Variants in SEMA6D observed in about 807,000 individuals in gnomAD.
SEMA6D encodes semaphorin 6D, also known as semaphorin-6D.
In SEMA6D, 35 loss-of-function variants were observed where a neutral mutation model predicts 106.6. That is an observed-to-expected ratio of 0.33 (90% CI 0.25 to 0.44). The LOEUF is 0.44. SEMA6D is among the 20% of genes least tolerant of loss of function. SEMA6D has a pLI of 1.00. For synonymous variants in SEMA6D, 499 were observed against 487.7 expected, an observed-to-expected ratio of 1.02 and a Z score of -0.31; for missense variants, 1,185 against 1,345.9, an observed-to-expected ratio of 0.88 and a Z score of 1.87.
chr15:47,408,932 C>T (rs1375515146), intron 1 of SEMA6D, among the ~76,000 whole-genome samples: 2 of 152,212 alleles, frequency 1.3e-5, no homozygotes, highest in East Asian at 3.9e-4. Context: ...ACTGGACACT[C>T]ATCTGCATGA....
intron 1 of SEMA6D, among the ~76,000 whole-genome samples, chr15:47,310,582 G>GTT (rs35025286): frequency 6.6e-6 from 1 of 151,154 alleles, no homozygotes; most frequent in Non-Finnish European, 1.5e-5. Context: ...TATAGTTCAT[G>GTT]TTTTTTTTAA....
chr15:47,447,499 G>A (rs1305498306), intron 2 of SEMA6D, among the ~76,000 whole-genome samples: 2 of 152,124 alleles, frequency 1.3e-5, no homozygotes, highest in African/African-American at 4.8e-5. Flanking sequence ...CTCCCAGGAA[G>A]ATGAACAAGA....
At chr15:47,522,308 A>G (rs1011363943) in intron 3 of SEMA6D, among the ~76,000 whole-genome samples, 8 of 152,222 alleles carry the variant, frequency 5.3e-5, no homozygotes, top group Admixed American at 2.6e-4. Flanking sequence ...AAATATTTTT[A>G]TGTATGAACT....
chr15:47,654,164 A>G (rs2077747185), intron 4 of SEMA6D, among the ~76,000 whole-genome samples: 1 of 152,192 alleles, frequency 6.6e-6, no homozygotes, highest in African/African-American at 2.4e-5. Flanking sequence ...TTCCTCTTTT[A>G]GTTTAATTCA....
intron 3 of SEMA6D, among the ~76,000 whole-genome samples, chr15:47,569,927 G>T (rs958542386): frequency 6.6e-6 from 1 of 151,890 alleles, no homozygotes; most frequent in Non-Finnish European, 1.5e-5. Context: ...CGGGCGTGGT[G>T]GTGGGTGCCG....
chr15:47,569,943 C>A (rs1018582348), intron 3 of SEMA6D, among the ~76,000 whole-genome samples: 2 of 151,758 alleles, frequency 1.3e-5, no homozygotes, highest in African/African-American at 2.4e-5. Context: ...TGCCGGTAAT[C>A]CCAGCTACTC....
At chr15:47,513,518 C>T (rs762673716) in intron 3 of SEMA6D, among the ~76,000 whole-genome samples, 1 of 152,054 alleles carries the variant, frequency 6.6e-6, no homozygotes, top group Non-Finnish European at 1.5e-5. Flanking sequence ...TAGAATGGAG[C>T]CATGTATTCC....
chr15:47,581,276 C>A, intron 3 of SEMA6D: 1 of 457,182 alleles, frequency 2.2e-6, no homozygotes, highest in Non-Finnish European at 4.3e-6. Flanking sequence ...CTCCATAAGT[C>A]CTGTGGTTTA....
At chr15:47,310,766 A>C (rs138146542) in intron 1 of SEMA6D, among the ~76,000 whole-genome samples, 3 of 152,200 alleles carry the variant, frequency 2.0e-5, no homozygotes, top group Non-Finnish European at 4.4e-5. Context: ...ATGTTACACT[A>C]TATCATAGTC....
intron 1 of SEMA6D, among the ~76,000 whole-genome samples, chr15:47,228,946 T>C (rs2141530030): frequency 6.6e-6 from 1 of 152,164 alleles, no homozygotes; most frequent in Admixed American, 6.6e-5. Flanking sequence ...GCTCTCAGTG[T>C]TTAATGAGTG....
intron 2 of SEMA6D, among the ~76,000 whole-genome samples, chr15:47,456,317 A>G (rs1178061499): frequency 1.3e-5 from 2 of 151,954 alleles, no homozygotes; most frequent in Non-Finnish European, 2.9e-5. Flanking sequence ...ATGAATCTTT[A>G]TTTTCACTTA....
chr15:47,751,138 T>C (rs1489471984), intron 1 of SEMA6D, among the ~76,000 whole-genome samples: 1 of 152,200 alleles, frequency 6.6e-6, no homozygotes, highest in Non-Finnish European at 1.5e-5. Context: ...GACCTTCTTA[T>C]ATTCCAAAGC....
intron 1 of SEMA6D, among the ~76,000 whole-genome samples, chr15:47,305,824 C>G (rs1007542526): frequency 5.3e-5 from 8 of 152,156 alleles, no homozygotes; most frequent in Non-Finnish European, 1.5e-5. Flanking sequence ...AAGATAAGTT[C>G]TTCACCCACA....
chr15:47,358,356 T>G (rs962333375), intron 1 of SEMA6D, among the ~76,000 whole-genome samples: 1 of 151,796 alleles, frequency 6.6e-6, no homozygotes, highest in African/African-American at 2.4e-5. Context: ...GTTCTTCTTT[T>G]CACAGCAACT....
In SEMA6D at chr15:47,773,702, C is replaced by T. The variant is rs952351215; in HGVS notation, c.*1917C>T. 2 of 152,540 alleles carry T rather than the reference C, an allele frequency of 1.3e-5. No homozygotes were observed. Among genetic ancestry groups the T allele is most frequent in the South Asian group, 2.1e-4 (1 of 4,816 alleles). The allele number at this position is 152,540 out of a possible 1,614,324, so 9.4% of individuals were successfully genotyped here. Reference sequence around the variant, plus strand: ...CGTGATTTCCAGTGATCTCTGGAAGCGCTAAAGCTAAAATTTCTGTTCTTG... The same window carrying T: ...CGTGATTTCCAGTGATCTCTGGAAGTGCTAAAGCTAAAATTTCTGTTCTTG... On this transcript the variant is annotated 3_prime_UTR_variant, in exon 19 of 19. Coordinates refer to ENST00000536845, the MANE Select transcript of SEMA6D (RefSeq NM_001358351.3).
chr15:47,649,484 C>T (rs1407771964), intron 4 of SEMA6D, among the ~76,000 whole-genome samples: 2 of 152,104 alleles, frequency 1.3e-5, no homozygotes, highest in Admixed American at 1.3e-4. Context: ...CATCAAAAGA[C>T]AGTGCTACAT....
intron 4 of SEMA6D, among the ~76,000 whole-genome samples, chr15:47,694,184 A>G (rs2078651403): frequency 6.6e-6 from 1 of 152,146 alleles, no homozygotes. Context: ...TCTAAGAATC[A>G]ATGTTTTAAC....
At chr15:47,417,314 T>G (rs1365116208) in intron 2 of SEMA6D, among the ~76,000 whole-genome samples, 1 of 152,090 alleles carries the variant, frequency 6.6e-6, no homozygotes, top group Non-Finnish European at 1.5e-5. Context: ...TATTATGATT[T>G]CATCCTCATA....
intron 1 of SEMA6D, among the ~76,000 whole-genome samples, chr15:47,283,705 A>G (rs573821585): frequency 1.2e-4 from 18 of 152,280 alleles, no homozygotes; most frequent in African/African-American, 4.3e-4. Flanking sequence ...ATTTGAGGCT[A>G]CACCAGAAAC....
Sources: gnomAD v4.1 joint callset for allele counts (sites outside exome capture counted in the v4.1 genomes callset) on GRCh38, gnomAD v4.1.1 for gene constraint, MANE v1.5 for transcripts, NCBI Gene and HGNC (gene_info 2026-07-23, HGNC 2026-07-21) for gene names.